DERL1: variants seen among roughly 807,000 people sequenced by gnomAD.
DERL1 encodes the protein derlin-1.
Under a neutral mutation model 41.6 loss-of-function variants are expected in DERL1, and 24 were observed. The observed-to-expected ratio is 0.58, with a 90% CI of 0.42 to 0.81. DERL1 has a LOEUF of 0.81. Ranked by LOEUF, DERL1 falls within the 30% of genes least tolerant of loss-of-function variation. The pLI is 0.00. For missense variants in DERL1, 260 were observed against 314.3 expected, an observed-to-expected ratio of 0.83 and a Z score of 1.31; for synonymous variants, 124 against 112.5, an observed-to-expected ratio of 1.10 and a Z score of -0.65.
chr8:123,019,412 C>A, intron 6 of DERL1, 107 bp from the exon 7 acceptor site: 1 of 742,460 alleles, frequency 1.3e-6, no homozygotes, highest in South Asian at 1.7e-5. Context: ...CATTTAGTCC[C>A]TGGGAGTCTG....
intron 7 of DERL1, chr8:123,018,604 T>C (rs2130455684): frequency 6.6e-6 from 1 of 152,356 alleles, no homozygotes; most frequent in East Asian, 1.9e-4. Flanking sequence ...AATCCAAGTT[T>C]GTCTCAAAAA....
In DERL1 at chr8:123,022,775, A is replaced by G. The variant is rs1812594891; in HGVS notation, c.362T>C (p.Leu121Pro). The change falls in exon 5 of 8, where the codon CTG (leucine) becomes CCG (proline). Residue 121 changes from leucine (L) to proline (P), a missense_variant. Leu to Pro is a moderately conservative substitution (Grantham distance 98, BLOSUM62 -3). Coordinates refer to ENST00000259512, the MANE Select transcript of DERL1 (RefSeq NM_024295.6). Reference sequence around the variant, plus strand: ...TACTGACATGATCAGAGGAATCATCAGCAACTGCAAAAGAAGTCGACATGT... The same window carrying G: ...TACTGACATGATCAGAGGAATCATCGGCAACTGCAAAAGAAGTCGACATGT... The part of the protein sequence containing the change: ...ITGLAMDMQL[L>P]MIPLIMSVLY... 1 of 1,614,018 alleles carries G rather than the reference A, an allele frequency of 6.2e-7. No individual in the cohort carries two copies. Among genetic ancestry groups the G allele is most frequent in the Non-Finnish European group, 8.5e-7 (1 of 1,179,896 alleles).
intron 1 of DERL1, among the ~76,000 whole-genome samples, chr8:123,030,942 TATTTC>T (rs1472444950): frequency 6.6e-6 from 1 of 152,210 alleles, no homozygotes; most frequent in Non-Finnish European, 1.5e-5. Flanking sequence ...AAGCAACAAA[TATTTC>T]TAAACAAGTT....
At chr8:123,033,691 C>T (rs537210402) in intron 1 of DERL1, among the ~76,000 whole-genome samples, 1 of 152,190 alleles carries the variant, frequency 6.6e-6, no homozygotes, top group East Asian at 1.9e-4. Context: ...TGCAGTGAGC[C>T]GAGATCACAA....
chr8:123,021,209 C>T (rs939199405), intron 6 of DERL1, among the ~76,000 whole-genome samples: 4 of 152,178 alleles, frequency 2.6e-5, no homozygotes, highest in Non-Finnish European at 5.9e-5. Context: ...GTACTATACA[C>T]ATAGGAACAT....
In DERL1 at chr8:123,040,976, G is replaced by A. The variant is rs544826366; in HGVS notation, c.153+994C>T. On this transcript the variant is annotated intron_variant, in intron 1 of 7. Transcript: ENST00000259512. ...AATAGGGAGACAGATCTGGACTGAA[G>A]ATATTTATATTTATATTTCAGAATC... Among the ~76,000 whole-genome samples, 236 of 152,266 alleles carry A rather than the reference G, an allele frequency of 1.5e-3. 1 individual carries two copies. The highest frequency in any genetic ancestry group is 5.4e-3 in the African/African-American group (223 of 41,544).
At position 123,014,452 on chromosome 8, in the gene DERL1, A is replaced by G. The variant is rs543978622; in HGVS notation, c.*995T>C. The G allele has an allele frequency of 2.0e-5, 3 of 152,896 alleles. No homozygotes were observed. The highest frequency in any genetic ancestry group is 6.5e-5 in the Admixed American group (1 of 15,314). 9.5% of individuals were successfully genotyped at this position (152,896 alleles called of 1,614,324 possible). On this transcript the variant is annotated 3_prime_UTR_variant, in exon 8 of 8. Transcript: ENST00000259512. ...GGATAGGCAAAAAAGTGACATTTAA[A>G]TAGCGTATGAGGGTCTCTCCTCCTT... is the stretch of plus-strand genomic sequence containing the variant.
rs1034890799 is a variant in DERL1 at position 123,014,481 on chromosome 8, T to G, written c.*966A>C. Reference sequence around the variant, plus strand: ...CGTATGAGGGTCTCTCCTCCTTTACTCAATGAACACATATCCAGAATGAGA... The same window carrying G: ...CGTATGAGGGTCTCTCCTCCTTTACGCAATGAACACATATCCAGAATGAGA... On this transcript the variant is annotated 3_prime_UTR_variant, in exon 8 of 8. Transcript: ENST00000259512. 6.5e-6 allele frequency: 1 copy of G among 152,676 alleles called. No homozygotes were observed. Among genetic ancestry groups the G allele is most frequent in the African/African-American group, 2.4e-5 (1 of 41,438 alleles). 9.5% of individuals were successfully genotyped at this position (152,676 alleles called of 1,614,324 possible).
At chr8:123,032,505 C>T (rs1586467855) in intron 1 of DERL1, among the ~76,000 whole-genome samples, 1 of 152,154 alleles carries the variant, frequency 6.6e-6, no homozygotes, top group East Asian at 1.9e-4. Flanking sequence ...ATTAGACTTT[C>T]ATGGTGTTTT....
intron 3 of DERL1, 71 bp downstream of exon 3, chr8:123,024,915 T>C (rs577488926): frequency 6.8e-7 from 1 of 1,478,386 alleles, no homozygotes; most frequent in East Asian, 2.3e-5. Flanking sequence ...GTTTACAGAA[T>C]ATGGTCTATT....
intron 2 of DERL1, 62 bp from the exon 3 acceptor site, chr8:123,025,112 T>G: frequency 6.5e-7 from 1 of 1,534,786 alleles, no homozygotes; most frequent in East Asian, 2.3e-5. Context: ...AACATCTACA[T>G]AGAGAAACAC....
intron 7 of DERL1, chr8:123,017,781 C>A (rs190875170): frequency 2.6e-5 from 4 of 152,242 alleles, no homozygotes; most frequent in East Asian, 3.9e-4. Context: ...TGGCTGCCCC[C>A]CAAAAGCACC....
intron 2 of DERL1, 114 bp from the exon 3 acceptor site, chr8:123,025,164 A>G: frequency 9.4e-7 from 1 of 1,059,142 alleles, no homozygotes; most frequent in Non-Finnish European, 1.4e-6. Flanking sequence ...AACATTTTAA[A>G]AACCACTCCT....
Position 123,014,040 on chromosome 8 carries a change from C to G in DERL1, c.*1407G>C, listed in dbSNP as rs192912283. ...TTTCCTGAAAAGAAACTGATCAAAA[C>G]GTTTGAAGCCTTTTTAGTTGCCTCA... On this transcript the variant is annotated 3_prime_UTR_variant, in exon 8 of 8. Coordinates refer to ENST00000259512, the MANE Select transcript of DERL1 (RefSeq NM_024295.6). 1 of 152,166 alleles carries G rather than the reference C, an allele frequency of 6.6e-6. No homozygotes were observed. Among genetic ancestry groups the G allele is most frequent in the Non-Finnish European group, 1.5e-5 (1 of 68,016 alleles). 9.4% of individuals were successfully genotyped at this position (152,166 alleles called of 1,614,324 possible). A position where few individuals can be genotyped will look rare whatever the true frequency, so the allele number is the denominator to read the frequency against.
At chr8:123,029,364 T>C (rs1390102393) in intron 2 of DERL1, among the ~76,000 whole-genome samples, 2 of 152,238 alleles carry the variant, frequency 1.3e-5, no homozygotes, top group African/African-American at 4.8e-5. Context: ...CCTTACACTT[T>C]GTATTAATAC....
intron 1 of DERL1, among the ~76,000 whole-genome samples, chr8:123,040,469 G>C (rs948324228): frequency 4.6e-5 from 7 of 152,220 alleles, no homozygotes; most frequent in African/African-American, 1.7e-4. Flanking sequence ...TCTCATTGTG[G>C]AGCCTAAGGT....
chr8:123,039,890 TAATA>T (rs1461027863), intron 1 of DERL1, among the ~76,000 whole-genome samples: 1 of 152,172 alleles, frequency 6.6e-6, no homozygotes, highest in Non-Finnish European at 1.5e-5. Flanking sequence ...GGAAGCAGAC[TAATA>T]AATACCAAAG....
In DERL1 at chr8:123,036,811, T is replaced by C. The variant is rs1812939588; in HGVS notation, c.153+5159A>G. On this transcript the variant is annotated intron_variant, in intron 1 of 7. Coordinates refer to ENST00000259512, the MANE Select transcript of DERL1 (RefSeq NM_024295.6). ...CAAGTTCATTCTCCTCCCTGCTATGTTGAAACGTCTCTCTTCCCCAATACA... is the reference window on the plus strand; with the variant it reads ...CAAGTTCATTCTCCTCCCTGCTATGCTGAAACGTCTCTCTTCCCCAATACA... Among the ~76,000 whole-genome samples the C allele has an allele frequency of 2.6e-5, 4 of 152,198 alleles. No individual in the cohort carries two copies. In the East Asian group the frequency reaches 7.7e-4, roughly 29 times the overall value.
intron 4 of DERL1, among the ~76,000 whole-genome samples, chr8:123,023,152 T>C (rs1812602983): frequency 6.6e-6 from 1 of 152,048 alleles, no homozygotes; most frequent in Non-Finnish European, 1.5e-5. Context: ...AGACAACCAT[T>C]ATTGTCAATG....
Sources: gnomAD v4.1 joint callset for allele counts (sites outside exome capture counted in the v4.1 genomes callset) on GRCh38, gnomAD v4.1.1 for gene constraint, MANE v1.5 for transcripts, NCBI Gene and HGNC (gene_info 2026-07-23, HGNC 2026-07-21) for gene names.